The following KIAA1549L variants were observed in gnomAD, a reference collection of about 807,000 sequenced individuals.
KIAA1549L encodes UPF0606 protein KIAA1549L.
KIAA1549L carries 88 observed loss-of-function variants against 160.7 expected under a neutral mutation model. That is an observed-to-expected ratio of 0.55 (90% CI 0.46 to 0.65). The LOEUF (loss-of-function observed/expected upper bound fraction) is 0.65, where lower values mean the gene tolerates loss of function less well. Among genes scored for constraint, KIAA1549L ranks in the 30% least tolerant of loss-of-function variants. The pLI is 0.00. For missense variants in KIAA1549L, 2,258 were observed against 2,437.5 expected, an observed-to-expected ratio of 0.93 and a Z score of 1.55; for synonymous variants, 950 against 976.7, an observed-to-expected ratio of 0.97 and a Z score of 0.51.
intron 6 of KIAA1549L, among the ~76,000 whole-genome samples, chr11:33,558,401 C>G (rs972084175): frequency 1.3e-5 from 2 of 152,094 alleles, no homozygotes; most frequent in African/African-American, 4.8e-5. Flanking sequence ...GGAGGGAGTC[C>G]TCAGCATCAA....
chr11:33,404,459 GGTT>G, intron 1 of KIAA1549L, among the ~76,000 whole-genome samples: 7 of 152,072 alleles, frequency 4.6e-5, no homozygotes, highest in African/African-American at 1.4e-4. Flanking sequence ...AGGAGGGGGA[GGTT>G]GTTGCAGTGA....
At chr11:33,448,633 G>A (rs1180969328) in intron 1 of KIAA1549L, among the ~76,000 whole-genome samples, 1 of 152,320 alleles carries the variant, frequency 6.6e-6, no homozygotes, top group African/African-American at 2.4e-5. Context: ...TTTTGGTTAT[G>A]ATATTCCCAG....
chr11:33,500,391 T>C (rs1265981212), intron 1 of KIAA1549L, among the ~76,000 whole-genome samples: 2 of 152,194 alleles, frequency 1.3e-5, no homozygotes, highest in Non-Finnish European at 2.9e-5. Context: ...GAAGTATTAG[T>C]TTCCTTATAG....
intron 1 of KIAA1549L, among the ~76,000 whole-genome samples, chr11:33,415,390 C>A (rs971112141): frequency 6.6e-6 from 1 of 152,174 alleles, no homozygotes; most frequent in African/African-American, 2.4e-5. Flanking sequence ...GCTACCAGTT[C>A]TGAATTTGGC....
intron 20 of KIAA1549L, among the ~76,000 whole-genome samples, chr11:33,662,010 A>G (rs568494490): frequency 6.6e-6 from 1 of 152,248 alleles, no homozygotes; most frequent in Non-Finnish European, 1.5e-5. Flanking sequence ...TGGCATAAAA[A>G]TATTTCTGAA....
chr11:33,421,534 G>T (rs553813171), intron 1 of KIAA1549L, among the ~76,000 whole-genome samples: 1 of 152,332 alleles, frequency 6.6e-6, no homozygotes, highest in South Asian at 2.1e-4. Context: ...GGTGATTTGT[G>T]TGCATGTTAA....
intron 17 of KIAA1549L, among the ~76,000 whole-genome samples, chr11:33,647,259 C>G (rs1166698518): frequency 6.6e-6 from 1 of 151,690 alleles, no homozygotes; most frequent in African/African-American, 2.4e-5. Flanking sequence ...GCCTATAGTC[C>G]CAACTTTTTG....
chr11:33,609,947 T>C lies in KIAA1549L; in HGVS notation c.5260T>C (p.Phe1754Leu), dbSNP rs76619982. The C allele has an allele frequency of 1.2e-6, 2 of 1,613,736 alleles. No individual in the cohort carries two copies. Among genetic ancestry groups the C allele is most frequent in the African/African-American group, 2.7e-5 (2 of 75,032 alleles). Residue 1754 changes from phenylalanine (F) to leucine (L), a missense_variant, in exon 15 of 21, where the codon TTC (phenylalanine) becomes CTC (leucine). Physicochemically the swap from Phe to Leu is conservative, Grantham distance 22. Transcript: ENST00000658780. ...LDPDSELCAP[F>L]TESKNRQQMK... ...TCCAGATTCAGAACTCTGTGCTCCA[T>C]TCACCGAGTCTAAAAACAGGTGCAG...
chr11:33,481,474 C>T (rs1009156404), intron 1 of KIAA1549L, among the ~76,000 whole-genome samples: 1 of 152,194 alleles, frequency 6.6e-6, no homozygotes, highest in Non-Finnish European at 1.5e-5. Context: ...TTTTGTGTCA[C>T]CAGGACCTAA....
intron 20 of KIAA1549L, among the ~76,000 whole-genome samples, chr11:33,665,991 G>C (rs956008452): frequency 6.6e-6 from 1 of 152,168 alleles, no homozygotes; most frequent in African/African-American, 2.4e-5. Context: ...GTTCCAACTT[G>C]TCTCTGGCTC....
chr11:33,659,261 T>C (rs1386064297), intron 19 of KIAA1549L, among the ~76,000 whole-genome samples: 1 of 152,270 alleles, frequency 6.6e-6, no homozygotes, highest in Non-Finnish European at 1.5e-5. Context: ...TGATAGGTTT[T>C]AATCCTTTGC....
chr11:33,557,386 C>T (rs984848674), intron 6 of KIAA1549L, among the ~76,000 whole-genome samples: 4 of 151,626 alleles, frequency 2.6e-5, no homozygotes, highest in South Asian at 2.1e-4. Flanking sequence ...TTTAGGTGGC[C>T]GTATGGTGAA....
intron 16 of KIAA1549L, among the ~76,000 whole-genome samples, chr11:33,620,610 T>C (rs1850933605): frequency 6.6e-6 from 1 of 152,202 alleles, no homozygotes; most frequent in Non-Finnish European, 1.5e-5. Flanking sequence ...ATTATGCCCA[T>C]TGTATGGATG....
chr11:33,471,098 C>T (rs77184902), intron 1 of KIAA1549L, among the ~76,000 whole-genome samples: 7,065 of 152,122 alleles, frequency 0.046, 319 homozygotes, highest in South Asian at 0.12. Context: ...TGGGACTACA[C>T]GCATGCCGCT....
intron 1 of KIAA1549L, among the ~76,000 whole-genome samples, chr11:33,491,989 G>A (rs958047876): frequency 6.6e-6 from 1 of 152,174 alleles, no homozygotes; most frequent in African/African-American, 2.4e-5. Flanking sequence ...ACAGAGCTGT[G>A]GGTCTAAACC....
intron 1 of KIAA1549L, among the ~76,000 whole-genome samples, chr11:33,462,285 A>C (rs1013788989): frequency 8.5e-5 from 13 of 152,186 alleles, no homozygotes; most frequent in Non-Finnish European, 1.5e-4. Context: ...TAGACCATGA[A>C]AAGGTTACAT....
rs1055202865 is a variant in KIAA1549L at position 33,376,353 on chromosome 11, G to T, written c.-299G>T. 17 of 147,858 alleles carry T rather than the reference G, an allele frequency of 1.1e-4. No individual in the cohort carries two copies. Among genetic ancestry groups the T allele is most frequent in the Non-Finnish European group, 2.1e-4 (14 of 66,622 alleles). The allele number at this position is 147,858 out of a possible 1,614,324, so 9.2% of individuals were successfully genotyped here. ...CCCGGGGGAGGGGGCCCCGGGCGGC[G>T]CCCGTCCCACCCTCGCCGCCCCAAT... On this transcript the variant is annotated 5_prime_UTR_variant, in exon 1 of 21. Coordinates refer to ENST00000658780, the MANE Select transcript of KIAA1549L (RefSeq NM_012194.3). This position sits in a 1 kb window ranked among gnomAD's most constrained non-coding sequence, Gnocchi z 5.8.
intron 1 of KIAA1549L, among the ~76,000 whole-genome samples, chr11:33,495,953 C>T (rs1015629343): frequency 6.6e-5 from 10 of 151,964 alleles, no homozygotes; most frequent in South Asian, 4.2e-4. Flanking sequence ...TCATGTCCTT[C>T]GCCCACTTTT....
chr11:33,443,128 T>A (rs1851542572), intron 1 of KIAA1549L, among the ~76,000 whole-genome samples: 1 of 152,222 alleles, frequency 6.6e-6, no homozygotes. Context: ...ATTGTAATAT[T>A]TCCAGTTTTC....
Sources: gnomAD v4.1 joint callset for allele counts (sites outside exome capture counted in the v4.1 genomes callset) on GRCh38, gnomAD v4.1.1 for gene constraint, Gnocchi (gnomAD v3.1) non-coding constraint, MANE v1.5 for transcripts, NCBI Gene and HGNC (gene_info 2026-07-23, HGNC 2026-07-21) for gene names.